ANO5: variants seen among roughly 807,000 people sequenced by gnomAD.
ANO5 encodes the protein anoctamin 5.
Under a neutral mutation model 121.0 loss-of-function variants are expected in ANO5, and 109 were observed. The ratio of observed to expected loss-of-function variants is 0.90; its 90% CI spans 0.77 to 1.06. The LOEUF is 1.06. Ranked by LOEUF, ANO5 falls within the 50% of genes least tolerant of loss-of-function variation. The pLI is 0.00. For synonymous variants in ANO5, 406 were observed against 359.9 expected (o/e 1.13, Z -1.45); for missense variants, 1,064 against 1,078.5 (o/e 0.99, Z 0.19).
chr11:22,253,825 G>C (rs939260124), intron 12 of ANO5, among the ~76,000 whole-genome samples: 1 of 152,080 alleles, frequency 6.6e-6, no homozygotes, highest in African/African-American at 2.4e-5. Flanking sequence ...TTTGACTGGA[G>C]GAGTTATATG....
At chr11:22,234,280 G>A (rs1040127297) in intron 7 of ANO5, among the ~76,000 whole-genome samples, 3 of 152,012 alleles carry the variant, frequency 2.0e-5, no homozygotes, top group Admixed American at 2.0e-4. Flanking sequence ...GATGTGCATG[G>A]TCTGCTGCTG....
At chr11:22,222,983 A>C (rs1345336168) in intron 5 of ANO5, among the ~76,000 whole-genome samples, 1 of 152,118 alleles carries the variant, frequency 6.6e-6, no homozygotes, top group South Asian at 2.1e-4. Flanking sequence ...AGAAAACTGA[A>C]GCAAGAAGAG....
At chr11:22,222,021 C>G (rs774628339) in intron 5 of ANO5, among the ~76,000 whole-genome samples, 3 of 151,964 alleles carry the variant, frequency 2.0e-5, no homozygotes, top group Non-Finnish European at 4.4e-5. Context: ...CATCTCTTCT[C>G]CGAACATTCC....
intron 2 of ANO5, among the ~76,000 whole-genome samples, chr11:22,210,108 A>G (rs1021474065): frequency 1.3e-5 from 2 of 151,972 alleles, no homozygotes; most frequent in African/African-American, 4.8e-5. Context: ...ATAATCACAT[A>G]TAAGTGGATT....
rs1855113710 is a variant in ANO5, at chr11:22,282,387, TAAATG to T, written c.*2628_*2632del. On this transcript the variant is annotated 3_prime_UTR_variant, in exon 22 of 22. Coordinates refer to ENST00000324559, the MANE Select transcript of ANO5 (RefSeq NM_213599.3). Reference sequence around the variant, plus strand: ...TCCATTAAGAAAGGATTGTTTTACTTAAATGAAATGCTGTCTTATTTTTGCTGTGT... The same window carrying T: ...TCCATTAAGAAAGGATTGTTTTACTTAAATGCTGTCTTATTTTTGCTGTGT... 3 of 152,312 alleles carry T rather than the reference TAAATG, an allele frequency of 2.0e-5. No individual in the cohort carries two copies. The highest frequency in any genetic ancestry group is 2.1e-4 in the South Asian group (1 of 4,828). 9.4% of individuals were successfully genotyped at this position (152,312 alleles called of 1,614,324 possible). A position where few individuals can be genotyped will look rare whatever the true frequency, so the allele number is the denominator to read the frequency against.
chr11:22,273,095 T>C, intron 19 of ANO5, 106 bp downstream of exon 19: 1 of 1,229,712 alleles, frequency 8.1e-7, no homozygotes, highest in Non-Finnish European at 1.2e-6. Context: ...GGTGATACTT[T>C]ATAAAGCTAA....
intron 21 of ANO5, among the ~76,000 whole-genome samples, chr11:22,278,990 A>G (rs1230437023): frequency 6.6e-6 from 1 of 151,620 alleles, no homozygotes; most frequent in Admixed American, 6.6e-5. Context: ...AGCTGCTTCC[A>G]GGGTATAGCA....
chr11:22,218,192 T>A (rs993353875), intron 3 of ANO5, 54 bp from the exon 4 acceptor site: 4 of 1,604,540 alleles, frequency 2.5e-6, no homozygotes, highest in Non-Finnish European at 2.6e-6. Flanking sequence ...TTTTTTGGAA[T>A]CTTTACTGTA....
rs1207496777 is a variant in ANO5, at chr11:22,280,471, A to C, written c.*706A>C. 3 of 151,920 alleles carry C rather than the reference A, an allele frequency of 2.0e-5. No homozygotes were observed. In the East Asian group the frequency reaches 5.8e-4, roughly 29 times the overall value. The allele number at this position is 151,920 out of a possible 1,614,324, so 9.4% of individuals were successfully genotyped here. On this transcript the variant is annotated 3_prime_UTR_variant, in exon 22 of 22. Transcript: ENST00000324559. ...TTATAATAGTTTCAAGACTGATCTT[A>C]TCTGGAAAGCAACATTATGAAGCTG...
At chr11:22,271,112 G>GC (rs537459370) in intron 18 of ANO5, among the ~76,000 whole-genome samples, 83 of 152,300 alleles carry the variant, frequency 5.4e-4, no homozygotes, top group African/African-American at 1.9e-3. Context: ...GAGCGCAGCT[G>GC]CCCAATCTCG....
At chr11:22,269,447 A>C (rs1033048277) in intron 17 of ANO5, among the ~76,000 whole-genome samples, 1 of 149,394 alleles carries the variant, frequency 6.7e-6, no homozygotes, top group Non-Finnish European at 1.5e-5. Flanking sequence ...AGAGAAGGGA[A>C]AGGAAGAAGG....
intron 10 of ANO5, 99 bp downstream of exon 10, chr11:22,250,470 C>A (rs1853773736): frequency 2.7e-6 from 4 of 1,496,818 alleles, no homozygotes; most frequent in Non-Finnish European, 3.7e-6. Flanking sequence ...CAGAATGTTT[C>A]CTTATAGCAG....
intron 3 of ANO5, among the ~76,000 whole-genome samples, chr11:22,216,407 T>C (rs1590230396): frequency 2.0e-5 from 3 of 152,050 alleles, no homozygotes; most frequent in South Asian, 4.1e-4. Context: ...GGATAGGTAG[T>C]AGTATCTTGT....
chr11:22,241,406 G>A (rs975767656), intron 9 of ANO5, among the ~76,000 whole-genome samples: 1 of 151,792 alleles, frequency 6.6e-6, no homozygotes, highest in Non-Finnish European at 1.5e-5. Context: ...TTGAGCATAT[G>A]CCCAGTAATG....
chr11:22,208,944 G>T (rs906934765), intron 2 of ANO5, among the ~76,000 whole-genome samples: 5 of 151,796 alleles, frequency 3.3e-5, no homozygotes, highest in Admixed American at 3.3e-4. Flanking sequence ...CTATGGGCAG[G>T]AGGCAGGCAA....
intron 5 of ANO5, among the ~76,000 whole-genome samples, chr11:22,221,695 A>T (rs948584846): frequency 6.6e-6 from 1 of 151,926 alleles, no homozygotes; most frequent in African/African-American, 2.4e-5. Flanking sequence ...AATTAAGTTT[A>T]TGAGGCCAAG....
intron 4 of ANO5, among the ~76,000 whole-genome samples, chr11:22,219,614 C>T (rs1043068777): frequency 6.6e-6 from 1 of 151,948 alleles, no homozygotes; most frequent in African/African-American, 2.4e-5. Flanking sequence ...TTATTTCTGC[C>T]TCAGTTGCCT....
Position 22,280,620 on chromosome 11 carries a change from AATT to A in ANO5, c.*859_*861del, listed in dbSNP as rs1305325673. 2.0e-5 allele frequency: 3 copies of A among 151,986 alleles called. No individual in the cohort carries two copies. 9.4% of individuals were successfully genotyped at this position (151,986 alleles called of 1,614,324 possible). A position where few individuals can be genotyped will look rare whatever the true frequency, so the allele number is the denominator to read the frequency against. On this transcript the variant is annotated 3_prime_UTR_variant, in exon 22 of 22. Transcript: ENST00000324559. ...TTGATTTTAATTTAGAAAATTGTTA[AATT>A]ATTTCTTAAAAATCACTTTTCTTCT...
At chr11:22,213,878 A>T (rs538898350) in intron 3 of ANO5, among the ~76,000 whole-genome samples, 1 of 140,808 alleles carries the variant, frequency 7.1e-6, no homozygotes, top group East Asian at 2.7e-4. Flanking sequence ...GGCTATTGGA[A>T]GTGGTGTTTT....
Sources: allele counts gnomAD v4.1 joint callset (sites outside exome capture counted in the v4.1 genomes callset), GRCh38; gene constraint gnomAD v4.1.1; transcripts MANE v1.5; gene names NCBI Gene and HGNC (gene_info 2026-07-23, HGNC 2026-07-21).